ATG14: variants seen among roughly 807,000 people sequenced by gnomAD.
ATG14 encodes beclin 1-associated autophagy-related key regulator.
In ATG14, 35 loss-of-function variants were observed where a neutral mutation model predicts 60.4. That is an observed-to-expected ratio of 0.58 (90% CI 0.44 to 0.77). The LOEUF (loss-of-function observed/expected upper bound fraction) is 0.77, where lower values mean the gene tolerates loss of function less well. Among genes scored for constraint, ATG14 ranks in the 30% least tolerant of loss-of-function variants. ATG14 has a pLI of 0.00. For synonymous variants in ATG14, 234 were observed against 228.8 expected (o/e 1.02, Z -0.21); for missense variants, 647 against 626.3 (o/e 1.03, Z -0.35).
Position 55,369,486 on chromosome 14 carries a change from A to AAAGAC in ATG14, c.*128_*132dup. On this transcript the variant is annotated 3_prime_UTR_variant, in exon 10 of 10. Coordinates refer to ENST00000247178, the MANE Select transcript of ATG14 (RefSeq NM_014924.5). ...TAGAAATGTTTGTCTCCCTGCTTAA[A>AAAGAC]AAGACAAAACAAAACAACACTTTAA... 1 of 918,914 alleles carries AAAGAC rather than the reference A, an allele frequency of 1.1e-6. No homozygotes were observed. Among genetic ancestry groups the AAAGAC allele is most frequent in the Admixed American group, 2.9e-5 (1 of 34,008 alleles). The allele number at this position is 918,914 out of a possible 1,614,324, so 56.9% of individuals were successfully genotyped here. A position where few individuals can be genotyped will look rare whatever the true frequency, so the allele number is the denominator to read the frequency against.
chr14:55,378,458 A>G (rs918687936), intron 7 of ATG14, among the ~76,000 whole-genome samples: 3 of 152,224 alleles, frequency 2.0e-5, no homozygotes, highest in African/African-American at 7.2e-5. Flanking sequence ...AATGGCAGTC[A>G]AAGGCTTATA....
chr14:55,399,227 T>C (rs1885361526), intron 1 of ATG14, among the ~76,000 whole-genome samples: 1 of 152,194 alleles, frequency 6.6e-6, no homozygotes, highest in Non-Finnish European at 1.5e-5. Flanking sequence ...CAATATTATA[T>C]GTGACAGAAT....
rs755795573 is a variant in ATG14 at position 55,377,851 on chromosome 14, G to T, written c.1140C>A (p.Tyr380Ter). 6.2e-7 allele frequency: 1 copy of T among 1,601,746 alleles called. No homozygotes were observed. The highest frequency in any genetic ancestry group is 8.5e-7 in the Non-Finnish European group (1 of 1,176,484). Residue 380 changes from tyrosine to a stop codon, truncating the protein, a stop_gained, in exon 9 of 10, where the codon TAC becomes TAA. Transcript: ENST00000247178. LOFTEE classifies it high-confidence loss of function. ...GGTGTTCAGAGCTTGGACTGACCAG[G>T]TACATTAGATTCCTGAGGGTATGCA... ...QPLHTLRNLM[Y>*]LVSPSSEHLG...
chr14:55,384,912 G>A (rs1278158379), intron 5 of ATG14, among the ~76,000 whole-genome samples: 1 of 152,214 alleles, frequency 6.6e-6, no homozygotes, highest in East Asian at 1.9e-4. Flanking sequence ...AAGATGGACT[G>A]GGAGGTTGGA....
chr14:55,380,875 A>ATTTTTTT (rs1170779991), intron 6 of ATG14, among the ~76,000 whole-genome samples, 185 bp from the exon 7 acceptor site: 5 of 112,704 alleles, frequency 4.4e-5, no homozygotes, highest in Admixed American at 1.8e-4. Context: ...ATATATATAT[A>ATTTTTTT]TTTTTTTTTT....
chr14:55,408,951 A>C (rs1431364982), intron 1 of ATG14, among the ~76,000 whole-genome samples: 1 of 152,176 alleles, frequency 6.6e-6, no homozygotes, highest in Non-Finnish European at 1.5e-5. Flanking sequence ...TTTTATTTTA[A>C]ATGCAATGGG....
chr14:55,369,751 C>T lies in ATG14; in HGVS notation c.1347G>A (p.Gln449=). 2 of 1,614,172 alleles carry T rather than the reference C, an allele frequency of 1.2e-6. No homozygotes were observed. The highest frequency in any genetic ancestry group is 1.7e-6 in the Non-Finnish European group (2 of 1,179,994). The change falls in exon 10 of 10, where the codon CAG becomes CAA. Residue 449 remains glutamine (Q), a synonymous_variant. Transcript: ENST00000247178. ...TCTGACTCTGGGAGACTTCCACAGA[C>T]TGGGAAGGGATATCACAAAACCGGG... The part of the protein sequence containing the change: ...PSPRFCDIPS[Q]SVEVSQSQST...
At position 55,407,696 on chromosome 14, in the gene ATG14, A is replaced by T. The variant is rs142654270; in HGVS notation, c.221+3906T>A. ...AGAATTCATGCCTTCATGAAACTAC[A>T]TTCTGGATGTGGCTATCTTCCTCAA... is the stretch of plus-strand genomic sequence containing the variant. On this transcript the variant is annotated intron_variant, in intron 1 of 9. Transcript: ENST00000247178. Among the ~76,000 whole-genome samples, 124 of 152,330 alleles carry T rather than the reference A, an allele frequency of 8.1e-4. 1 individual carries two copies. Among genetic ancestry groups the T allele is most frequent in the African/African-American group, 2.9e-3 (119 of 41,572 alleles).
chr14:55,411,542 G>A lies in ATG14; in HGVS notation c.221+60C>T, dbSNP rs996852875. On this transcript the variant is annotated intron_variant, in intron 1 of 9. Coordinates refer to ENST00000247178, the MANE Select transcript of ATG14 (RefSeq NM_014924.5). Reference sequence around the variant, plus strand: ...CGGGGAGCCCCAGGTTCCAGCCTTCGGCTGCCTGGCTGGAGGACACACAGC... The same window carrying A: ...CGGGGAGCCCCAGGTTCCAGCCTTCAGCTGCCTGGCTGGAGGACACACAGC... 6 of 1,505,470 alleles carry A rather than the reference G, an allele frequency of 4.0e-6. No individual in the cohort carries two copies. In the African/African-American group the frequency reaches 8.3e-5, roughly 21 times the overall value. The allele number at this position is 1,505,470 out of a possible 1,614,324, so 93.3% of individuals were successfully genotyped here. A position where few individuals can be genotyped will look rare whatever the true frequency, so the allele number is the denominator to read the frequency against.
chr14:55,402,953 ATATATATATATATAT>A lies in ATG14; in HGVS notation c.222-5534_222-5520del, dbSNP rs1566585729. Reference sequence around the variant, plus strand: ...TATATATATATATATATATATATATATATATATATATATATAAATAGCTGGGCATAGTGGTGCATG... The same window carrying A: ...TATATATATATATATATATATATATAAAATAGCTGGGCATAGTGGTGCATG... On this transcript the variant is annotated intron_variant, in intron 1 of 9. Transcript: ENST00000247178. 1.7e-3 allele frequency among the ~76,000 whole-genome samples: 132 copies of A among 77,270 alleles called. 1 individual carries two copies. The highest frequency in any genetic ancestry group is 8.3e-3 in the South Asian group (17 of 2,042). 50.7% of individuals were successfully genotyped at this position (77,270 alleles called of 152,430 possible).
At position 55,397,367 on chromosome 14, in the gene ATG14, C is replaced by T; in HGVS notation, c.284+5G>A. On this transcript the variant is annotated splice_donor_5th_base_variant and intron_variant, in intron 2 of 9. Transcript: ENST00000247178. ...ACAAATTAAAAGACAAAACAAAACA[C>T]TCACTCTTTCTGAAATTCTTCTTGC... 6.2e-7 allele frequency: 1 copy of T among 1,612,394 alleles called. No homozygotes were observed. Among genetic ancestry groups the T allele is most frequent in the Non-Finnish European group, 8.5e-7 (1 of 1,178,558 alleles).
At chr14:55,370,493 G>GTATT (rs1884789417) in intron 9 of ATG14, among the ~76,000 whole-genome samples, 1 of 152,180 alleles carries the variant, frequency 6.6e-6, no homozygotes, top group South Asian at 2.1e-4. Context: ...TTTCTGCACT[G>GTATT]TATTTCAGGA....
chr14:55,373,155 T>C (rs1884855467), intron 9 of ATG14, among the ~76,000 whole-genome samples: 1 of 152,212 alleles, frequency 6.6e-6, no homozygotes, highest in Admixed American at 6.5e-5. Context: ...TTAATGTCTT[T>C]GGGGAATTAA....
chr14:55,398,104 T>C (rs963846048), intron 1 of ATG14, among the ~76,000 whole-genome samples: 13 of 151,976 alleles, frequency 8.6e-5, no homozygotes, highest in South Asian at 2.1e-4. Flanking sequence ...CCTGCCACCA[T>C]GCCCAGCTAA....
At chr14:55,387,898 G>A (rs957861122) in intron 4 of ATG14, among the ~76,000 whole-genome samples, 7 of 152,144 alleles carry the variant, frequency 4.6e-5, no homozygotes, top group Non-Finnish European at 8.8e-5. Flanking sequence ...TGACCTCAAT[G>A]TGATCCGCCC....
At position 55,366,761 on chromosome 14, in the gene ATG14, A is replaced by T. The variant is rs1884688221; in HGVS notation, c.*2858T>A. 6.6e-6 allele frequency: 1 copy of T among 152,650 alleles called. No homozygotes were observed. Among genetic ancestry groups the T allele is most frequent in the Admixed American group, 6.5e-5 (1 of 15,274 alleles). The allele number at this position is 152,650 out of a possible 1,614,324, so 9.5% of individuals were successfully genotyped here. On this transcript the variant is annotated 3_prime_UTR_variant, in exon 10 of 10. Coordinates refer to ENST00000247178, the MANE Select transcript of ATG14 (RefSeq NM_014924.5). ...AAATCATTTTAAAATGGAAAACATGACCAAGTTCTATGGCTTTTTGTTTAA... is the reference window on the plus strand; with the variant it reads ...AAATCATTTTAAAATGGAAAACATGTCCAAGTTCTATGGCTTTTTGTTTAA...
intron 4 of ATG14, 118 bp from the exon 5 acceptor site, chr14:55,386,214 G>A: frequency 1.2e-6 from 1 of 831,572 alleles, no homozygotes; most frequent in Non-Finnish European, 1.9e-6. Context: ...AGCAAAACCT[G>A]AATAATATAA....
At chr14:55,406,985 G>A (rs1244784344) in intron 1 of ATG14, among the ~76,000 whole-genome samples, 2 of 143,904 alleles carry the variant, frequency 1.4e-5, no homozygotes, top group African/African-American at 5.2e-5. Context: ...TTTTTGAGAT[G>A]GAGTCTAGCT....
intron 1 of ATG14, among the ~76,000 whole-genome samples, chr14:55,410,556 G>T (rs779054831): frequency 5.3e-5 from 8 of 152,180 alleles, no homozygotes; most frequent in South Asian, 2.1e-4. Flanking sequence ...AGAAAGGAAA[G>T]AACTCCATCC....
Sources: gnomAD v4.1 joint callset for allele counts (sites outside exome capture counted in the v4.1 genomes callset) on GRCh38, gnomAD v4.1.1 for gene constraint, MANE v1.5 for transcripts, NCBI Gene and HGNC (gene_info 2026-07-23, HGNC 2026-07-21) for gene names.